Variants in FRMD4A observed in about 807,000 individuals in gnomAD.
The protein encoded by FRMD4A is FERM domain-containing protein 4A.
In FRMD4A, 29 loss-of-function variants were observed where a neutral mutation model predicts 129.1. That is an observed-to-expected ratio of 0.22 (90% CI 0.17 to 0.31). The LOEUF (loss-of-function observed/expected upper bound fraction) is 0.31, where lower values mean the gene tolerates loss of function less well. Ranked by LOEUF, FRMD4A falls within the 10% of genes least tolerant of loss-of-function variation. The pLI is 1.00. For synonymous variants in FRMD4A, 634 were observed against 571.6 expected, an observed-to-expected ratio of 1.11 and a Z score of -1.56; for missense variants, 1,272 against 1,375.8, an observed-to-expected ratio of 0.92 and a Z score of 1.19.
At chr10:14,235,427 C>A (rs1373224619) in intron 2 of FRMD4A, among the ~76,000 whole-genome samples, 1 of 152,080 alleles carries the variant, frequency 6.6e-6, no homozygotes, top group Non-Finnish European at 1.5e-5. Flanking sequence ...GGATTACAGG[C>A]GTGAGCCACC....
chr10:14,329,015 G>A (rs780783985), intron 2 of FRMD4A, among the ~76,000 whole-genome samples: 9 of 152,146 alleles, frequency 5.9e-5, no homozygotes, highest in African/African-American at 2.2e-4. Context: ...TTTGAGCAAC[G>A]AAGAACCAAG....
intron 2 of FRMD4A, among the ~76,000 whole-genome samples, chr10:13,881,308 A>C (rs558905671): frequency 2.6e-5 from 4 of 151,010 alleles, no homozygotes; most frequent in African/African-American, 9.7e-5. Context: ...CTGTAGTTCC[A>C]GGTACTGGGG....
In FRMD4A at chr10:13,834,282, C is replaced by CAAAA. The variant is rs537863994; in HGVS notation, c.112-23378_112-23375dup. Reference sequence around the variant, plus strand: ...CCATCTCAGAAAACAACAACAACAACAAAACAAAACAAAAACCACCACCAA... The same window carrying CAAAA: ...CCATCTCAGAAAACAACAACAACAACAAAAAAAACAAAACAAAAACCACCACCAA... On this transcript the variant is annotated intron_variant, in intron 3 of 24. Transcript: ENST00000357447. Among the ~76,000 whole-genome samples, 23 of 151,822 alleles carry CAAAA rather than the reference C, an allele frequency of 1.5e-4. No individual in the cohort carries two copies. The South Asian group carries it at 4.6e-3, about 30-fold the overall frequency.
chr10:13,942,946 A>T (rs1035098082), intron 2 of FRMD4A, among the ~76,000 whole-genome samples: 1 of 152,118 alleles, frequency 6.6e-6, no homozygotes, highest in Non-Finnish European at 1.5e-5. Context: ...AAAAGGCAAA[A>T]AAAAAAGACC....
chr10:14,329,318 T>C (rs1051429542), intron 2 of FRMD4A, among the ~76,000 whole-genome samples: 3 of 152,138 alleles, frequency 2.0e-5, no homozygotes, highest in African/African-American at 7.2e-5. Context: ...TGCAAAACCA[T>C]GGCAAAAGCC....
chr10:14,245,119 C>T (rs1341691268), intron 2 of FRMD4A, among the ~76,000 whole-genome samples: 1 of 152,186 alleles, frequency 6.6e-6, no homozygotes, highest in Non-Finnish European at 1.5e-5. Context: ...CACAAGCTTG[C>T]TCATGGACAT....
At chr10:13,803,446 C>A (rs924975595) in intron 4 of FRMD4A, among the ~76,000 whole-genome samples, 6 of 152,206 alleles carry the variant, frequency 3.9e-5, no homozygotes, top group Non-Finnish European at 7.3e-5. Flanking sequence ...ATCTTCCCAT[C>A]TCAGACTCCT....
intron 2 of FRMD4A, among the ~76,000 whole-genome samples, chr10:13,913,068 C>A (rs2094960547): frequency 1.4e-5 from 2 of 138,696 alleles, no homozygotes; most frequent in African/African-American, 2.7e-5. Flanking sequence ...AGTAAAACTC[C>A]ATTTAAAAAA....
At chr10:14,017,030 A>G (rs2095701446) in intron 2 of FRMD4A, among the ~76,000 whole-genome samples, 1 of 152,188 alleles carries the variant, frequency 6.6e-6, no homozygotes, top group African/African-American at 2.4e-5. Flanking sequence ...TGGTCTTGAT[A>G]TGATTTGTCC....
chr10:14,039,395 CATCCATCCATCCATCT>C (rs1833668974), intron 2 of FRMD4A, among the ~76,000 whole-genome samples: 1 of 140,790 alleles, frequency 7.1e-6, no homozygotes, highest in Non-Finnish European at 1.5e-5. Context: ...TCCATCCATC[CATCCATCCATCCATCT>C]ATCTATCTAT....
At chr10:14,228,107 C>T (rs1843509870) in intron 2 of FRMD4A, among the ~76,000 whole-genome samples, 1 of 152,154 alleles carries the variant, frequency 6.6e-6, no homozygotes, top group Non-Finnish European at 1.5e-5. Context: ...CTCTTGACCT[C>T]ATGACCCACC....
intron 2 of FRMD4A, among the ~76,000 whole-genome samples, chr10:14,222,397 G>A (rs531364248): frequency 5.9e-5 from 9 of 152,200 alleles, no homozygotes; most frequent in South Asian, 2.1e-4. Flanking sequence ...CCTGCTGAGC[G>A]TACCTGGAGA....
intron 2 of FRMD4A, among the ~76,000 whole-genome samples, chr10:13,976,550 T>A (rs1409980422): frequency 1.5e-5 from 1 of 66,652 alleles, no homozygotes; most frequent in East Asian, 1.2e-3. Flanking sequence ...AGAGGAATTT[T>A]TTTTTTTTTA....
At chr10:14,300,037 G>A (rs1450801951) in intron 2 of FRMD4A, among the ~76,000 whole-genome samples, 1 of 151,980 alleles carries the variant, frequency 6.6e-6, no homozygotes, top group Non-Finnish European at 1.5e-5. Context: ...CCAGAATCCA[G>A]AGAGGAACTC....
intron 5 of FRMD4A, among the ~76,000 whole-genome samples, chr10:13,784,036 C>T (rs2130785577): frequency 6.6e-6 from 1 of 152,216 alleles, no homozygotes; most frequent in East Asian, 1.9e-4. Context: ...GGTTGAAATG[C>T]AACATCTTGG....
intron 2 of FRMD4A, among the ~76,000 whole-genome samples, chr10:14,142,548 A>G (rs1172238972): frequency 6.6e-6 from 1 of 152,242 alleles, no homozygotes; most frequent in Non-Finnish European, 1.5e-5. Flanking sequence ...TTGAAAAGTT[A>G]GTGTACAATA....
At chr10:14,110,420 G>A (rs1441328806) in intron 2 of FRMD4A, among the ~76,000 whole-genome samples, 2 of 152,242 alleles carry the variant, frequency 1.3e-5, no homozygotes, top group East Asian at 1.9e-4. Flanking sequence ...GGACATCCCT[G>A]TCTTTGAAAA....
At chr10:13,801,183 G>A (rs1588799325) in intron 4 of FRMD4A, among the ~76,000 whole-genome samples, 1 of 152,138 alleles carries the variant, frequency 6.6e-6, no homozygotes, top group Non-Finnish European at 1.5e-5. Context: ...GAAGGCAGAG[G>A]TTGCAGTGAG....
At chr10:13,810,693 C>A in intron 4 of FRMD4A, 121 bp downstream of exon 4, 1 of 531,390 alleles carries the variant, frequency 1.9e-6, no homozygotes, top group South Asian at 2.3e-5. Context: ...CTTGGACTGA[C>A]CCCAGACCAT....
Sources: allele counts gnomAD v4.1 joint callset (sites outside exome capture counted in the v4.1 genomes callset), GRCh38; gene constraint gnomAD v4.1.1; transcripts MANE v1.5; gene names NCBI Gene and HGNC (gene_info 2026-07-23, HGNC 2026-07-21).